Variants in UNC13B observed in about 807,000 individuals in gnomAD.
The protein encoded by UNC13B is unc-13 homolog B.
In UNC13B, 144 loss-of-function variants were observed where a neutral mutation model predicts 211.0. The ratio of observed to expected loss-of-function variants is 0.68; its 90% confidence interval spans 0.60 to 0.78. The LOEUF is 0.78. Among genes scored for constraint, UNC13B ranks in the 30% least tolerant of loss-of-function variants. UNC13B has a pLI of 0.00. For missense variants in UNC13B, 1,777 were observed against 2,002.0 expected (o/e 0.89, Z 2.14); for synonymous variants, 709 against 725.8 (o/e 0.98, Z 0.37).
At chr9:35,394,451 C>T (rs910413661) in intron 26 of UNC13B, among the ~76,000 whole-genome samples, 1 of 152,120 alleles carries the variant, frequency 6.6e-6, no homozygotes, top group African/African-American at 2.4e-5. Context: ...CAAACATTAG[C>T]CAGGTGTGCT....
chr9:35,257,902 A>G (rs1827028989), intron 6 of UNC13B, among the ~76,000 whole-genome samples: 1 of 152,138 alleles, frequency 6.6e-6, no homozygotes, highest in South Asian at 2.1e-4. Flanking sequence ...CATGTTCCCT[A>G]CAGTTCATCT....
chr9:35,198,619 T>C (rs1412434429), intron 1 of UNC13B, among the ~76,000 whole-genome samples: 2 of 151,828 alleles, frequency 1.3e-5, no homozygotes, highest in Non-Finnish European at 2.9e-5. Flanking sequence ...TGGGCAGAGG[T>C]TGGACGAGTG....
At chr9:35,368,225 A>G (rs1833898313) in intron 12 of UNC13B, among the ~76,000 whole-genome samples, 1 of 152,064 alleles carries the variant, frequency 6.6e-6, no homozygotes, top group African/African-American at 2.4e-5. Flanking sequence ...CTTCACCCTC[A>G]AGTAGGCCCG....
rs542386029 is a variant in UNC13B, at chr9:35,183,279, G to A, written c.22+20974G>A. Among the ~76,000 whole-genome samples the A allele has an allele frequency of 2.1e-3, 259 of 122,582 alleles. 21 individuals carry two copies. The highest frequency in any genetic ancestry group is 6.8e-3 in the African/African-American group (215 of 31,672). The allele number at this position is 122,582 out of a possible 152,430, so 80.4% of individuals were successfully genotyped here. A position where few individuals can be genotyped will look rare whatever the true frequency, so the allele number is the denominator to read the frequency against. On this transcript the variant is annotated intron_variant, in intron 1 of 39. Coordinates refer to ENST00000635942, the MANE Select transcript of UNC13B (RefSeq NM_001371189.2). ...CAGAGGAGCCCCTCACCTCCCAGGC[G>A]GGGTGGCCGGGCAGAGGCGCCCCTC...
chr9:35,236,428 AT>A (rs772425078), intron 3 of UNC13B, 40 bp from the exon 4 acceptor site: 5 of 1,508,874 alleles, frequency 3.3e-6, no homozygotes, highest in East Asian at 4.5e-5. Context: ...TTTCTTTCAT[AT>A]TGTCTAGCTT....
rs1355793643 is a variant in UNC13B at position 35,396,866 on chromosome 9, T to C, written c.11461T>C (p.Trp3821Arg). 2 of 1,614,162 alleles carry C rather than the reference T, an allele frequency of 1.2e-6. No homozygotes were observed. The highest frequency in any genetic ancestry group is 1.3e-5 in the African/African-American group (1 of 75,044). The change falls in exon 28 of 40, where the codon TGG becomes CGG. Residue 3821 changes from tryptophan (W) to arginine (R), a missense_variant. Trp to Arg is a moderately radical substitution (Grantham distance 101). Coordinates refer to ENST00000635942, the MANE Select transcript of UNC13B (RefSeq NM_001371189.2). ...GTGGTTTGAGCAGTTCGTGCTACAA[T>C]GGCTGGATGAGAATGAGGATGTATC... ...PAWFEQFVLQ[W>R]LDENEDVSLE...
intron 21 of UNC13B, among the ~76,000 whole-genome samples, chr9:35,383,959 CT>C (rs1394926508): frequency 6.6e-6 from 1 of 152,208 alleles, no homozygotes; most frequent in African/African-American, 2.4e-5. Flanking sequence ...GCCCTATTGA[CT>C]CTCATATAGA....
At chr9:35,262,823 T>A (rs1482134222) in intron 7 of UNC13B, among the ~76,000 whole-genome samples, 3 of 152,006 alleles carry the variant, frequency 2.0e-5, no homozygotes, top group Non-Finnish European at 4.4e-5. Flanking sequence ...TCCCAGCTAC[T>A]TGGGAGACTG....
rs769853698 is a variant in UNC13B at position 35,399,002 on chromosome 9, A to G, written c.12042A>G (p.Val4014=). The change falls in exon 33 of 40, where the codon GTA becomes GTG. Residue 4014 remains valine (V), a synonymous_variant. Transcript: ENST00000635942. ...CAGCGGCTCAGGATGCAGATAGCGT[A>G]CTCCGGCCTCTCATGGACTTCCTGG... ...RASAAQDADS[V]LRPLMDFLDG... 3 of 1,614,008 alleles carry G rather than the reference A, an allele frequency of 1.9e-6. No individual in the cohort carries two copies. Among genetic ancestry groups the G allele is most frequent in the Non-Finnish European group, 2.5e-6 (3 of 1,179,970 alleles).
At chr9:35,283,332 C>A (rs2131736569) in intron 7 of UNC13B, among the ~76,000 whole-genome samples, 1 of 152,138 alleles carries the variant, frequency 6.6e-6, no homozygotes, top group Middle Eastern at 3.4e-3. Flanking sequence ...TGAATAAATG[C>A]ATTTCTATAA....
chr9:35,169,600 C>T (rs1821227018), intron 1 of UNC13B, among the ~76,000 whole-genome samples: 1 of 152,128 alleles, frequency 6.6e-6, no homozygotes, highest in Non-Finnish European at 1.5e-5. Context: ...GCTGGGCTTC[C>T]ATCGATCGTG....
At chr9:35,228,101 A>T (rs1824963042) in intron 2 of UNC13B, 57 bp downstream of exon 2, 12 of 1,420,332 alleles carry the variant, frequency 8.4e-6, no homozygotes, top group Admixed American at 2.2e-5. Flanking sequence ...ATTTCAAAGC[A>T]ATTTAAAAAA....
intron 1 of UNC13B, among the ~76,000 whole-genome samples, chr9:35,204,793 G>C (rs1379407995): frequency 6.6e-6 from 1 of 152,222 alleles, no homozygotes; most frequent in Non-Finnish European, 1.5e-5. Flanking sequence ...CCTTGTCTCA[G>C]ATGTCACTTT....
intron 11 of UNC13B, among the ~76,000 whole-genome samples, chr9:35,336,116 C>T (rs1037402487): frequency 3.3e-5 from 5 of 152,118 alleles, no homozygotes; most frequent in African/African-American, 1.2e-4. Flanking sequence ...TCATCCATGT[C>T]CTAACCTGTA....
At chr9:35,222,468 A>G (rs560964119) in intron 1 of UNC13B, among the ~76,000 whole-genome samples, 3 of 152,310 alleles carry the variant, frequency 2.0e-5, no homozygotes, top group African/African-American at 7.2e-5. Context: ...TTTTATTATT[A>G]CATGCACATG....
At chr9:35,257,260 A>G (rs566490452) in intron 6 of UNC13B, among the ~76,000 whole-genome samples, 2 of 149,592 alleles carry the variant, frequency 1.3e-5, no homozygotes, top group Non-Finnish European at 3.0e-5. Context: ...GGAGTTCAAA[A>G]CCAGCCTGGC....
intron 7 of UNC13B, among the ~76,000 whole-genome samples, chr9:35,265,902 G>A (rs1587501626): frequency 6.6e-6 from 1 of 152,080 alleles, no homozygotes; most frequent in Admixed American, 6.6e-5. Flanking sequence ...CTTGGCTCAC[G>A]GCAACCTCCG....
chr9:35,223,729 G>A (rs1321663812), intron 1 of UNC13B, among the ~76,000 whole-genome samples: 1 of 151,974 alleles, frequency 6.6e-6, no homozygotes, highest in Non-Finnish European at 1.5e-5. Flanking sequence ...TGAAGTCTTA[G>A]CCATAAAATC....
Position 35,295,778 on chromosome 9 carries a change from C to G in UNC13B, c.609C>G (p.Tyr203Ter). 3 of 1,614,148 alleles carry G rather than the reference C, an allele frequency of 1.9e-6. No homozygotes were observed. Among genetic ancestry groups the G allele is most frequent in the Non-Finnish European group, 2.5e-6 (3 of 1,180,024 alleles). The change falls in exon 8 of 40, where the codon TAC becomes TAG. Residue 203 changes from tyrosine (Y) to a stop codon, truncating the protein, a stop_gained. Transcript: ENST00000635942. LOFTEE classifies it high-confidence loss of function. ...SETSNSFPPP[Y>*]HTASQPNASV... Reference sequence around the variant, plus strand: ...CCAGCAACAGCTTCCCACCTCCTTACCATACAGCTTCCCAGCCCAACGCTT... The same window carrying G: ...CCAGCAACAGCTTCCCACCTCCTTAGCATACAGCTTCCCAGCCCAACGCTT...
Sources: gnomAD v4.1 joint callset for allele counts (sites outside exome capture counted in the v4.1 genomes callset) on GRCh38, gnomAD v4.1.1 for gene constraint, MANE v1.5 for transcripts, NCBI Gene and HGNC (gene_info 2026-07-23, HGNC 2026-07-21) for gene names.